The following FPGS variants were observed in gnomAD, a reference collection of about 807,000 sequenced individuals.
The protein encoded by FPGS is folylpolyglutamate synthase.
Under a neutral mutation model 66.5 loss-of-function variants are expected in FPGS, and 53 were observed. The observed-to-expected ratio is 0.80, with a 90% confidence interval of 0.64 to 1.00. The LOEUF is 1.00. Among genes scored for constraint, FPGS ranks in the 50% least tolerant of loss-of-function variants. The pLI is 0.00. For synonymous variants in FPGS, 348 were observed against 350.9 expected, an observed-to-expected ratio of 0.99 and a Z score of 0.09; for missense variants, 702 against 807.7, an observed-to-expected ratio of 0.87 and a Z score of 1.59.
chr9:127,806,807 G>T, intron 4 of FPGS, 166 bp from the exon 5 acceptor site: 4 of 614,948 alleles, frequency 6.5e-6, no homozygotes, highest in Non-Finnish European at 1.2e-5. Flanking sequence ...TAGAAGATGG[G>T]GAGGACTGGG....
chr9:127,804,925 A>C, intron 4 of FPGS: 1 of 512,698 alleles, frequency 2.0e-6, no homozygotes, highest in Non-Finnish European at 3.5e-6. Flanking sequence ...GTCTCACTCT[A>C]TCGCCCAGGC....
Position 127,813,829 on chromosome 9 carries a change from CTCACTG to C in FPGS, c.*227_*232del. On this transcript the variant is annotated 3_prime_UTR_variant, in exon 15 of 15. Coordinates refer to ENST00000373247, the MANE Select transcript of FPGS (RefSeq NM_004957.6). ...GATAGCAGAGGGGCTCCCCGGGTCT[CTCACTG>C]TTGCAGTGGCCTGGCCGTTCAGCCT... is the stretch of plus-strand genomic sequence containing the variant. 1.6e-6 allele frequency: 2 copies of C among 1,260,700 alleles called. No homozygotes were observed. The highest frequency in any genetic ancestry group is 2.0e-6 in the Non-Finnish European group (2 of 1,006,792). 78.1% of individuals were successfully genotyped at this position (1,260,700 alleles called of 1,614,324 possible).
rs781653726 is a variant in FPGS, at chr9:127,807,406, T to A, written c.580-15T>A. Reference sequence around the variant, plus strand: ...CACCCTCATATCCCCTGCCATGCCCTCTGGTCTTTGACAGGTGGACCTGGC... The same window carrying A: ...CACCCTCATATCCCCTGCCATGCCCACTGGTCTTTGACAGGTGGACCTGGC... On this transcript the variant is annotated splice_polypyrimidine_tract_variant and intron_variant, in intron 6 of 14. Transcript: ENST00000373247. The surrounding 1 kb of genome is among the most constrained non-coding windows in gnomAD (Gnocchi z 5.8). 2 of 1,613,748 alleles carry A rather than the reference T, an allele frequency of 1.2e-6. No homozygotes were observed. The highest frequency in any genetic ancestry group is 8.5e-7 in the Non-Finnish European group (1 of 1,179,784).
At chr9:127,806,094 C>T (rs1186408263) in intron 4 of FPGS, among the ~76,000 whole-genome samples, 2 of 151,980 alleles carry the variant, frequency 1.3e-5, no homozygotes, top group African/African-American at 4.8e-5. Flanking sequence ...TTGGGCCAGG[C>T]GTGGTGGCTC....
In FPGS at chr9:127,810,565, C is replaced by T. The variant is rs1404188785; in HGVS notation, c.1288-380C>T. Among the ~76,000 whole-genome samples the T allele has an allele frequency of 2.0e-5, 3 of 152,072 alleles. No individual in the cohort carries two copies. The East Asian group carries it at 5.8e-4, about 29-fold the overall frequency. ...CAAGCTGTCAGGGCTGAAGTGGCCCCTAGGTATCATCTCCCATTTCACAGA... is the reference window on the plus strand; with the variant it reads ...CAAGCTGTCAGGGCTGAAGTGGCCCTTAGGTATCATCTCCCATTTCACAGA... On this transcript the variant is annotated intron_variant, in intron 13 of 14. Coordinates refer to ENST00000373247, the MANE Select transcript of FPGS (RefSeq NM_004957.6).
At chr9:127,803,214 T>C (rs1027434816) in intron 1 of FPGS, 152 bp downstream of exon 1, 12 of 1,001,438 alleles carry the variant, frequency 1.2e-5, no homozygotes, top group Non-Finnish European at 1.3e-5. Flanking sequence ...AGGCTGGGGG[T>C]GGGGACAGGG....
At chr9:127,812,318 C>G (rs940539699) in intron 14 of FPGS, among the ~76,000 whole-genome samples, 16 of 141,376 alleles carry the variant, frequency 1.1e-4, no homozygotes, top group Non-Finnish European at 4.6e-5. Context: ...GTTCTGGAAT[C>G]TGCATTTTTT....
At position 127,813,893 on chromosome 9, in the gene FPGS, C is replaced by G. The variant is rs1398643668; in HGVS notation, c.*289C>G. 5 of 1,196,366 alleles carry G rather than the reference C, an allele frequency of 4.2e-6. No individual in the cohort carries two copies. The highest frequency in any genetic ancestry group is 5.2e-6 in the Non-Finnish European group (5 of 965,728). The allele number at this position is 1,196,366 out of a possible 1,614,324, so 74.1% of individuals were successfully genotyped here. A position where few individuals can be genotyped will look rare whatever the true frequency, so the allele number is the denominator to read the frequency against. ...CCAACACCCCGCCTGCCTCCTGGCT[C>G]AGGCCCAGCTTATTGTGTGCGCTGC... On this transcript the variant is annotated 3_prime_UTR_variant, in exon 15 of 15. Transcript: ENST00000373247.
In FPGS at chr9:127,807,203, C is replaced by A; in HGVS notation, c.502-6C>A. The A allele has an allele frequency of 6.2e-7, 1 of 1,614,042 alleles. No individual in the cohort carries two copies. Among genetic ancestry groups the A allele is most frequent in the South Asian group, 1.1e-5 (1 of 91,082 alleles). ...CTCTGGGCCCTGACATGTCCCTGTG[C>A]CACAGGATGGCAGCTGTGTCTCCAT... On this transcript the variant is annotated splice_region_variant and splice_polypyrimidine_tract_variant and intron_variant, in intron 5 of 14. Transcript: ENST00000373247. The surrounding 1 kb of genome is among the most constrained non-coding windows in gnomAD (Gnocchi z 5.8).
Position 127,807,881 on chromosome 9 carries a change from G to A in FPGS, c.744+193G>A. ...AGCATTTCAGGAGGTCGAGGTGAGA[G>A]GATCACCTGAGATCCGGAGTTTGAG... On this transcript the variant is annotated intron_variant, in intron 8 of 14. Transcript: ENST00000373247. This position sits in a 1 kb window ranked among gnomAD's most constrained non-coding sequence, Gnocchi z 5.8. The A allele has an allele frequency of 1.7e-6, 1 of 577,566 alleles. No homozygotes were observed. The highest frequency in any genetic ancestry group is 3.0e-6 in the Non-Finnish European group (1 of 329,352). The allele number at this position is 577,566 out of a possible 1,614,324, so 35.8% of individuals were successfully genotyped here. A position where few individuals can be genotyped will look rare whatever the true frequency, so the allele number is the denominator to read the frequency against.
At chr9:127,803,324 C>T (rs747728437) in intron 1 of FPGS, 143 of 1,197,812 alleles carry the variant, frequency 1.2e-4, no homozygotes, top group Non-Finnish European at 1.4e-4. Flanking sequence ...AGCTAGGATC[C>T]AGAAGCCCAG....
Position 127,810,959 on chromosome 9 carries a change from C to T in FPGS, c.1302C>T (p.Asp434=). 1 of 1,582,326 alleles carries T rather than the reference C, an allele frequency of 6.3e-7. No individual in the cohort carries two copies. Among genetic ancestry groups the T allele is most frequent in the Non-Finnish European group, 8.6e-7 (1 of 1,161,206 alleles). The part of the protein sequence containing the change: ...LLKLLQPCQF[D]YAVFCPNLTE... ...TGGCCTTCTAGCCCTGCCAGTTTGA[C>T]TATGCCGTCTTCTGCCCTAACCTGA... The change falls in exon 14 of 15, where the codon GAC becomes GAT. Residue 434 remains aspartate, a synonymous_variant. Coordinates refer to ENST00000373247, the MANE Select transcript of FPGS (RefSeq NM_004957.6).
At position 127,811,049 on chromosome 9, in the gene FPGS, G is replaced by C. The variant is rs753589749; in HGVS notation, c.1354+38G>C. Reference sequence around the variant, plus strand: ...AGGCATGGCCCCTGGGGATGAGCAGGGGTCCCTGAGGTAGACAGTGGGGGC... The same window carrying C: ...AGGCATGGCCCCTGGGGATGAGCAGCGGTCCCTGAGGTAGACAGTGGGGGC... On this transcript the variant is annotated intron_variant, in intron 14 of 14. Coordinates refer to ENST00000373247, the MANE Select transcript of FPGS (RefSeq NM_004957.6). 37 of 1,324,224 alleles carry C rather than the reference G, an allele frequency of 2.8e-5. 1 individual carries two copies. The Admixed American group carries it at 6.2e-4, about 22-fold the overall frequency. The allele number at this position is 1,324,224 out of a possible 1,614,324, so 82.0% of individuals were successfully genotyped here.
At position 127,807,657 on chromosome 9, in the gene FPGS, A is replaced by G; in HGVS notation, c.713A>G (p.Lys238Arg). ...AGCCTCCTGGGGGATACGGTGGAGA[A>G]GATCGCATGGCAGAAAGGGGGCATC... ...HTSLLGDTVE[K>R]IAWQKGGIFK... The change falls in exon 8 of 15, where the codon AAG (lysine) becomes AGG (arginine). Residue 238 changes from lysine to arginine, a missense_variant. Physicochemically the swap from Lys to Arg is conservative, Grantham distance 26. Around this residue, in one of 3 missense-constraint regions of FPGS, gnomAD observed 240 missense variants for 348.6 expected, o/e 0.69. Coordinates refer to ENST00000373247, the MANE Select transcript of FPGS (RefSeq NM_004957.6). The surrounding 1 kb of genome is among the most constrained non-coding windows in gnomAD (Gnocchi z 5.8). 6.3e-7 allele frequency: 1 copy of G among 1,594,080 alleles called. No individual in the cohort carries two copies. Among genetic ancestry groups the G allele is most frequent in the Non-Finnish European group, 8.5e-7 (1 of 1,174,670 alleles).
At chr9:127,804,831 C>G (rs1829747495) in intron 4 of FPGS, 131 bp downstream of exon 4, 1 of 813,224 alleles carries the variant, frequency 1.2e-6, no homozygotes, top group Non-Finnish European at 2.1e-6. Context: ...AGTGTTTATT[C>G]ATTCAATAAA....
At position 127,804,136 on chromosome 9, in the gene FPGS, A is replaced by T. The variant is rs1829716366; in HGVS notation, c.139-149A>T. ...AAGATGCCATACTCTCTGTTGCTTAACCTACAGGCTAGGCTAACAGTGCTG... is the reference window on the plus strand; with the variant it reads ...AAGATGCCATACTCTCTGTTGCTTATCCTACAGGCTAGGCTAACAGTGCTG... On this transcript the variant is annotated intron_variant, in intron 1 of 14. Coordinates refer to ENST00000373247, the MANE Select transcript of FPGS (RefSeq NM_004957.6). 3 of 1,020,546 alleles carry T rather than the reference A, an allele frequency of 2.9e-6. No homozygotes were observed. The Admixed American group carries it at 7.7e-5, about 26-fold the overall frequency. The allele number at this position is 1,020,546 out of a possible 1,614,324, so 63.2% of individuals were successfully genotyped here.
Position 127,810,123 on chromosome 9 carries a change from G to T in FPGS, c.1287+17G>T, listed in dbSNP as rs777032986. The T allele has an allele frequency of 1.2e-6, 2 of 1,611,378 alleles. No individual in the cohort carries two copies. The highest frequency in any genetic ancestry group is 1.1e-5 in the South Asian group (1 of 90,796). ...CTGCTGCAGGTGAGGGGCCAACTTG[G>T]GGGTGGGCGGCAGGCAGTCCTGAAG... On this transcript the variant is annotated intron_variant, in intron 13 of 14. Transcript: ENST00000373247.
chr9:127,814,199 G>T (rs994083034), downstream of FPGS: 96 of 977,128 alleles, frequency 9.8e-5, no homozygotes, highest in Non-Finnish European at 1.1e-4. Flanking sequence ...CCCTCCCTGT[G>T]CGCCTCAGGT....
At position 127,806,633 on chromosome 9, in the gene FPGS, G is replaced by C. The variant is rs920997538; in HGVS notation, c.387-340G>C. The C allele has an allele frequency of 1.0e-4, 28 of 281,194 alleles. No individual in the cohort carries two copies. In the East Asian group the frequency reaches 1.9e-3, roughly 19 times the overall value. 17.4% of individuals were successfully genotyped at this position (281,194 alleles called of 1,614,324 possible). A position where few individuals can be genotyped will look rare whatever the true frequency, so the allele number is the denominator to read the frequency against. On this transcript the variant is annotated intron_variant, in intron 4 of 14. Coordinates refer to ENST00000373247, the MANE Select transcript of FPGS (RefSeq NM_004957.6). ...CATTGGTTGTGGGCTTTGTCTCTGA[G>C]AGCTGTAAGACAGATGACATTGTGG...
Sources: gnomAD v4.1 joint callset for allele counts (sites outside exome capture counted in the v4.1 genomes callset) on GRCh38, gnomAD v4.1.1 for gene constraint, gnomAD v4.1.1 regional missense constraint, Gnocchi (gnomAD v3.1) non-coding constraint, MANE v1.5 for transcripts, NCBI Gene and HGNC (gene_info 2026-07-23, HGNC 2026-07-21) for gene names.